Variants in ERC2 observed in about 807,000 individuals in gnomAD.
ERC2 encodes ERC protein 2.
Under a neutral mutation model 114.8 loss-of-function variants are expected in ERC2, and 42 were observed. That is an observed-to-expected ratio of 0.37 (90% confidence interval 0.29 to 0.47). The LOEUF is 0.47. Ranked by LOEUF, ERC2 falls within the 20% of genes least tolerant of loss-of-function variation. The pLI, the probability that ERC2 is intolerant of heterozygous loss-of-function variation, is 0.99. For synonymous variants in ERC2, 454 were observed against 425.5 expected (o/e 1.07, Z -0.82); for missense variants, 939 against 1,150.7 (o/e 0.82, Z 2.66).
intron 2 of ERC2, among the ~76,000 whole-genome samples, chr3:56,407,256 T>C (rs2060765459): frequency 6.6e-6 from 1 of 152,166 alleles, no homozygotes; most frequent in South Asian, 2.1e-4. Flanking sequence ...TCAAAAAGTA[T>C]TAGAATTCTG....
chr3:55,568,253 C>T (rs1369946019), intron 17 of ERC2, among the ~76,000 whole-genome samples: 2 of 152,148 alleles, frequency 1.3e-5, no homozygotes, highest in Non-Finnish European at 2.9e-5. Flanking sequence ...GCACGAGGAG[C>T]CCACGGGTTG....
rs532865833 is a variant in ERC2 at position 55,602,117 on chromosome 3, C to A, written c.*39+81677G>T. 5.9e-5 allele frequency among the ~76,000 whole-genome samples: 9 copies of A among 152,316 alleles called. No individual in the cohort carries two copies. In the South Asian group the frequency reaches 1.9e-3, roughly 32 times the overall value. ...GTGAGGGCACTTAGATTTGCAAAAT[C>A]TCTTCCTTCCTTTGTCAACAATTTT... On this transcript the variant is annotated intron_variant, in intron 17 of 17. Coordinates refer to ENST00000288221, the MANE Select transcript of ERC2 (RefSeq NM_015576.3).
At chr3:55,911,445 G>T (rs990919521) in intron 13 of ERC2, among the ~76,000 whole-genome samples, 1 of 152,048 alleles carries the variant, frequency 6.6e-6, no homozygotes, top group African/African-American at 2.4e-5. Flanking sequence ...CTAGTCTGCC[G>T]CTGATGGCAG....
At chr3:56,423,598 C>T (rs2061463767) in intron 2 of ERC2, among the ~76,000 whole-genome samples, 1 of 152,220 alleles carries the variant, frequency 6.6e-6, no homozygotes, top group African/African-American at 2.4e-5. Context: ...AAAGTAGCTG[C>T]CTCAGTCTTT....
intron 3 of ERC2, among the ~76,000 whole-genome samples, chr3:56,268,397 T>G (rs906170103): frequency 6.6e-5 from 10 of 152,152 alleles, no homozygotes; most frequent in Admixed American, 6.5e-4. Context: ...AAGCAACACA[T>G]GATTGTGTAT....
At chr3:56,365,601 G>A (rs2059120021) in intron 2 of ERC2, among the ~76,000 whole-genome samples, 1 of 152,162 alleles carries the variant, frequency 6.6e-6, no homozygotes, top group African/African-American at 2.4e-5. Context: ...TGTTTTGTAT[G>A]GTCCACAAGC....
At chr3:55,962,426 C>T (rs928331305) in intron 12 of ERC2, among the ~76,000 whole-genome samples, 11 of 152,210 alleles carry the variant, frequency 7.2e-5, no homozygotes, top group African/African-American at 2.2e-4. Context: ...CTAATATATA[C>T]ACTAACAATA....
intron 11 of ERC2, among the ~76,000 whole-genome samples, chr3:55,988,612 C>T (rs562531275): frequency 6.6e-6 from 1 of 152,288 alleles, no homozygotes; most frequent in South Asian, 2.1e-4. Flanking sequence ...AACCCTGTAC[C>T]TTTTGTTGCA....
intron 7 of ERC2, among the ~76,000 whole-genome samples, chr3:56,074,104 G>C (rs1444152725): frequency 1.3e-5 from 2 of 152,056 alleles, no homozygotes; most frequent in Non-Finnish European, 2.9e-5. Context: ...TGCTCAAATT[G>C]TAGTTTAGCT....
chr3:56,388,450 A>T (rs975573939), intron 2 of ERC2, among the ~76,000 whole-genome samples: 2 of 152,180 alleles, frequency 1.3e-5, no homozygotes, highest in East Asian at 3.8e-4. Context: ...CCAGAAGCAG[A>T]TGCCAGCATC....
chr3:55,838,302 G>C (rs80288453), intron 14 of ERC2, among the ~76,000 whole-genome samples: 2,682 of 152,040 alleles, frequency 0.018, 87 homozygotes, highest in African/African-American at 0.061. Context: ...GACAAATTCT[G>C]TGTCATAGAG....
At chr3:55,928,037 T>C (rs1453189415) in intron 13 of ERC2, among the ~76,000 whole-genome samples, 1 of 152,222 alleles carries the variant, frequency 6.6e-6, no homozygotes, top group Non-Finnish European at 1.5e-5. Context: ...CTTCCAAATC[T>C]TGGCTATTGT....
At chr3:55,514,612 C>G (rs1294510719) in intron 17 of ERC2, among the ~76,000 whole-genome samples, 2 of 152,128 alleles carry the variant, frequency 1.3e-5, no homozygotes, top group Admixed American at 1.3e-4. Flanking sequence ...GGGGCAAGGA[C>G]CTGAGAGCTT....
intron 17 of ERC2, among the ~76,000 whole-genome samples, chr3:55,560,089 C>T (rs1243376227): frequency 3.3e-5 from 5 of 152,162 alleles, no homozygotes; most frequent in Non-Finnish European, 7.4e-5. Flanking sequence ...TCCAGGAAAA[C>T]CCTCAGCAGC....
In ERC2 at chr3:55,943,254, C is replaced by T. The variant is rs78158893; in HGVS notation, c.2403+7171G>A. ...GAAGGTATGCTGTCAGAATTTTTTT[C>T]TTCTCCCAGTCCTTTTGCTTTCAAT... On this transcript the variant is annotated intron_variant, in intron 13 of 17. Transcript: ENST00000288221. Among the ~76,000 whole-genome samples the T allele has an allele frequency of 8.1e-3, 1,229 of 152,242 alleles. 14 individuals carry two copies. Among genetic ancestry groups the T allele is most frequent in the African/African-American group, 0.028 (1,182 of 41,534 alleles).
intron 17 of ERC2, among the ~76,000 whole-genome samples, chr3:55,612,069 T>C (rs1559741545): frequency 6.6e-6 from 1 of 152,188 alleles, no homozygotes; most frequent in Non-Finnish European, 1.5e-5. Flanking sequence ...TCATTCATCC[T>C]GGTCAAGTGT....
At chr3:56,036,950 C>T (rs913502901) in intron 7 of ERC2, among the ~76,000 whole-genome samples, 3 of 152,004 alleles carry the variant, frequency 2.0e-5, no homozygotes, top group Non-Finnish European at 2.9e-5. Flanking sequence ...CTATAGAAGA[C>T]GGGCCTGACT....
chr3:55,915,998 T>G (rs893363420), intron 13 of ERC2, among the ~76,000 whole-genome samples: 6 of 152,178 alleles, frequency 3.9e-5, no homozygotes, highest in Non-Finnish European at 8.8e-5. Context: ...TTCATAGTAT[T>G]TGTAATAAGG....
At chr3:56,386,340 C>T (rs1576702695) in intron 2 of ERC2, among the ~76,000 whole-genome samples, 2 of 152,220 alleles carry the variant, frequency 1.3e-5, no homozygotes, top group South Asian at 4.1e-4. Flanking sequence ...TCCCAGATTT[C>T]TTTGACTTTC....
Sources: allele counts gnomAD v4.1 joint callset (sites outside exome capture counted in the v4.1 genomes callset), GRCh38; gene constraint gnomAD v4.1.1; transcripts MANE v1.5; gene names NCBI Gene and HGNC (gene_info 2026-07-23, HGNC 2026-07-21).